ANKH: variants seen among roughly 807,000 people sequenced by gnomAD.
ANKH encodes the protein ANKH inorganic pyrophosphate transport regulator.
ANKH carries 15 observed loss-of-function variants against 49.0 expected under a neutral mutation model. That is an observed-to-expected ratio of 0.31 (90% CI 0.20 to 0.47). The LOEUF is 0.47. Among genes scored for constraint, ANKH ranks in the 20% least tolerant of loss-of-function variants. The pLI, the probability that ANKH is intolerant of heterozygous loss-of-function variation, is 1.00. For synonymous variants in ANKH, 273 were observed against 260.0 expected (o/e 1.05, Z -0.48); for missense variants, 429 against 652.0 (o/e 0.66, Z 3.72).
At chr5:14,779,320 C>G (rs1739734205) in intron 1 of ANKH, among the ~76,000 whole-genome samples, 1 of 152,160 alleles carries the variant, frequency 6.6e-6, no homozygotes, top group African/African-American at 2.4e-5. Context: ...TTTACACAGG[C>G]AAAAGTCTCC....
chr5:14,711,827 T>C lies in ANKH; in HGVS notation c.1366-517A>G, dbSNP rs551212664. On this transcript the variant is annotated intron_variant, in intron 11 of 11. Coordinates refer to ENST00000284268, the MANE Select transcript of ANKH (RefSeq NM_054027.6). ...CCATGTTGCCTGTTCTTACAATAAATGGCCTCTCAGGGATCAGGTTCTCAG... is the reference window on the plus strand; with the variant it reads ...CCATGTTGCCTGTTCTTACAATAAACGGCCTCTCAGGGATCAGGTTCTCAG... Among the ~76,000 whole-genome samples, 306 of 152,332 alleles carry C rather than the reference T, an allele frequency of 2.0e-3. 3 individuals carry two copies. The highest frequency in any genetic ancestry group is 3.6e-3 in the Non-Finnish European group (245 of 68,012).
At chr5:14,732,297 A>G (rs1211950405) in intron 8 of ANKH, among the ~76,000 whole-genome samples, 1 of 152,040 alleles carries the variant, frequency 6.6e-6, no homozygotes, top group African/African-American at 2.4e-5. Context: ...GCAGGGGGTG[A>G]CGGGTCAACT....
In ANKH at chr5:14,745,933, A is replaced by G. The variant is rs775308257; in HGVS notation, c.852T>C (p.Pro284=). ...ACCAGCCGTATGGCATGTGACCCAC[A>G]GGGTATGTGGCTGTCAAAATCGCCA... The part of the protein sequence containing the change: ...EAVAILTATY[P]VGHMPYGWLT... The change falls in exon 7 of 12, where the codon CCT becomes CCC. Residue 284 remains proline (P), a synonymous_variant. Transcript: ENST00000284268. This position sits in a 1 kb window ranked among gnomAD's most constrained non-coding sequence, Gnocchi z 4.7. 2 of 1,614,110 alleles carry G rather than the reference A, an allele frequency of 1.2e-6. No individual in the cohort carries two copies. The highest frequency in any genetic ancestry group is 1.3e-5 in the African/African-American group (1 of 74,944).
chr5:14,750,760 A>G (rs1738685920), intron 5 of ANKH, among the ~76,000 whole-genome samples: 1 of 152,196 alleles, frequency 6.6e-6, no homozygotes, highest in Non-Finnish European at 1.5e-5. Context: ...TGACTGCAGA[A>G]TAACTTATAA....
intron 8 of ANKH, among the ~76,000 whole-genome samples, chr5:14,718,828 C>T (rs1377320501): frequency 4.4e-5 from 4 of 91,904 alleles, no homozygotes; most frequent in Admixed American, 1.1e-4. Flanking sequence ...CTCCCAACAC[C>T]ACCCCCCCCC....
intron 1 of ANKH, among the ~76,000 whole-genome samples, chr5:14,822,812 C>T (rs904395164): frequency 5.9e-5 from 9 of 152,128 alleles, no homozygotes; most frequent in African/African-American, 1.9e-4. Context: ...TTTGGGAGGC[C>T]GAGGCGGGTG....
chr5:14,788,783 G>A (rs1191194650), intron 1 of ANKH, among the ~76,000 whole-genome samples: 1 of 152,128 alleles, frequency 6.6e-6, no homozygotes, highest in Non-Finnish European at 1.5e-5. Flanking sequence ...AGTCACACAG[G>A]TTAATAATAC....
At chr5:14,773,013 G>A (rs527357039) in intron 1 of ANKH, among the ~76,000 whole-genome samples, 1 of 152,300 alleles carries the variant, frequency 6.6e-6, no homozygotes, top group East Asian at 1.9e-4. Context: ...GTTCTCCCTG[G>A]GATCAGGGTG....
chr5:14,792,786 C>T (rs987703857), intron 1 of ANKH, among the ~76,000 whole-genome samples: 5 of 151,028 alleles, frequency 3.3e-5, no homozygotes, highest in Non-Finnish European at 5.9e-5. Context: ...ACCAGCCTGG[C>T]CAACATGGTA....
At chr5:14,806,385 T>C (rs951909766) in intron 1 of ANKH, among the ~76,000 whole-genome samples, 2 of 152,116 alleles carry the variant, frequency 1.3e-5, no homozygotes, top group Admixed American at 1.3e-4. Flanking sequence ...CAACAGACTT[T>C]AATGCTTTAA....
intron 1 of ANKH, among the ~76,000 whole-genome samples, chr5:14,836,879 C>T (rs1379867580): frequency 5.9e-5 from 9 of 152,156 alleles, no homozygotes; most frequent in Non-Finnish European, 5.9e-5. Flanking sequence ...TACTACAAGG[C>T]TACAGTAACC....
intron 1 of ANKH, among the ~76,000 whole-genome samples, chr5:14,800,274 CTGTGAACATTGT>C (rs1740529110): frequency 6.6e-6 from 1 of 152,220 alleles, no homozygotes; most frequent in African/African-American, 2.4e-5. Context: ...GGTGAAGATG[CTGTGAACATTGT>C]TGAAGTGACA....
intron 1 of ANKH, among the ~76,000 whole-genome samples, chr5:14,834,418 T>A (rs74714830): frequency 6.6e-6 from 1 of 152,154 alleles, no homozygotes; most frequent in Admixed American, 6.5e-5. Flanking sequence ...GAAAGGACAC[T>A]GTAACGTTAG....
rs181300420 is a variant in ANKH, at chr5:14,731,921, G to A, written c.1011+9906C>T. ...CAACGTGGGGAGAGACGAGACACAC[G>A]GGAGGCCCAGGGAGCTGCGCGAGTG... is the stretch of plus-strand genomic sequence containing the variant. On this transcript the variant is annotated intron_variant, in intron 8 of 11. Transcript: ENST00000284268. Among the ~76,000 whole-genome samples the A allele has an allele frequency of 4.6e-5, 7 of 152,320 alleles. No homozygotes were observed. In the East Asian group the frequency reaches 9.6e-4, roughly 21 times the overall value.
chr5:14,856,923 G>A (rs1735282214), intron 1 of ANKH, among the ~76,000 whole-genome samples: 1 of 152,152 alleles, frequency 6.6e-6, no homozygotes, highest in Non-Finnish European at 1.5e-5. Flanking sequence ...ATGTAGGAAG[G>A]TGTGGATGTT....
chr5:14,846,019 C>CT (rs1741950311), intron 1 of ANKH, among the ~76,000 whole-genome samples: 1 of 151,722 alleles, frequency 6.6e-6, no homozygotes. Context: ...CCACGCCCGG[C>CT]AAATTTTTTG....
At position 14,712,906 on chromosome 5, in the gene ANKH, C is replaced by T. The variant is rs757376093; in HGVS notation, c.1333G>A (p.Ala445Thr). Residue 445 changes from alanine to threonine, a missense_variant, in exon 11 of 12, where the codon GCC becomes ACC. Physicochemically the swap from Ala to Thr is moderately conservative, Grantham distance 58. Transcript: ENST00000284268. ...AGFVGESTMV[A>T]IAACYVYRKQ... is the part of the protein sequence containing the mutation. Reference sequence around the variant, plus strand: ...CGGTAGACATAGCACGCAGCGATGGCGACCATGGTGGATTCTCCCACAAAG... The same window carrying T: ...CGGTAGACATAGCACGCAGCGATGGTGACCATGGTGGATTCTCCCACAAAG... 2.2e-5 allele frequency: 35 copies of T among 1,612,570 alleles called. No homozygotes were observed. Among genetic ancestry groups the T allele is most frequent in the Middle Eastern group, 1.6e-4 (1 of 6,076 alleles).
At chr5:14,755,767 G>A (rs545337349) in intron 4 of ANKH, 94 bp downstream of exon 4, 2 of 1,166,820 alleles carry the variant, frequency 1.7e-6, no homozygotes, top group South Asian at 2.5e-5. Flanking sequence ...AATGCAGAGT[G>A]TACTGCACAG....
At chr5:14,716,474 G>A (rs1312377007) in intron 9 of ANKH, among the ~76,000 whole-genome samples, 3 of 151,824 alleles carry the variant, frequency 2.0e-5, no homozygotes, top group East Asian at 1.9e-4. Flanking sequence ...CCTGGGTGAC[G>A]GAATGAAACT....
Sources: allele counts gnomAD v4.1 joint callset (sites outside exome capture counted in the v4.1 genomes callset), GRCh38; gene constraint gnomAD v4.1.1; non-coding constraint Gnocchi (gnomAD v3.1); transcripts MANE v1.5; gene names NCBI Gene and HGNC (gene_info 2026-07-23, HGNC 2026-07-21).